Variants in TCF3 observed in about 807,000 individuals in gnomAD.
The protein encoded by TCF3 is transcription factor E2-alpha.
Under a neutral mutation model 72.3 loss-of-function variants are expected in TCF3, and 54 were observed. The ratio of observed to expected loss-of-function variants is 0.75; its 90% confidence interval spans 0.60 to 0.94. The LOEUF (loss-of-function observed/expected upper bound fraction) is 0.94, where lower values mean the gene tolerates loss of function less well. TCF3 is among the 40% of genes least tolerant of loss of function. The probability of loss-of-function intolerance (pLI) is 0.00; values close to 1 mark genes in which losing one functional copy is unlikely to be tolerated. For missense variants in TCF3, 1,078 were observed against 934.4 expected (o/e 1.15, Z -2.00); for synonymous variants, 525 against 412.6 (o/e 1.27, Z -3.30).
chr19:1,619,442 G>A lies in TCF3; in HGVS notation c.1200C>T (p.Ala400=), dbSNP rs1432524947. Reference sequence around the variant, plus strand: ...CGGCGTGGCTGCGGAGCACGTGGATGGCCTCGTCCAGGTGGTCTTCTATCT... The same window carrying A: ...CGGCGTGGCTGCGGAGCACGTGGATAGCCTCGTCCAGGTGGTCTTCTATCT... ...QSKIEDHLDE[A]IHVLRSHAVG... The change falls in exon 15 of 19, where the codon GCC becomes GCT. Residue 400 remains alanine, a synonymous_variant. Transcript: ENST00000262965. The A allele has an allele frequency of 1.3e-6, 2 of 1,589,814 alleles. No homozygotes were observed. Among genetic ancestry groups the A allele is most frequent in the Non-Finnish European group, 8.5e-7 (1 of 1,174,206 alleles).
At chr19:1,625,021 A>T (rs528277264) in intron 7 of TCF3, among the ~76,000 whole-genome samples, 3 of 151,850 alleles carry the variant, frequency 2.0e-5, no homozygotes, top group Admixed American at 1.3e-4. Context: ...AATTTTTAAA[A>T]TTTTTCGCAA....
chr19:1,630,403 C>G (rs1022641463), intron 5 of TCF3, among the ~76,000 whole-genome samples: 1 of 152,190 alleles, frequency 6.6e-6, no homozygotes, highest in Admixed American at 6.5e-5. Context: ...ACTCCAAGTT[C>G]GAGGCCGGGC....
chr19:1,638,832 C>T (rs2145246580), intron 3 of TCF3, among the ~76,000 whole-genome samples: 1 of 152,314 alleles, frequency 6.6e-6, no homozygotes, highest in Middle Eastern at 3.4e-3. Context: ...GAGTTGGGAG[C>T]ACACAGATGG....
chr19:1,613,646 C>T (rs1414565607), intron 18 of TCF3, among the ~76,000 whole-genome samples: 2 of 152,174 alleles, frequency 1.3e-5, no homozygotes, highest in African/African-American at 4.8e-5. Flanking sequence ...ACTCCAAAAA[C>T]CCGGGACTGG....
rs537528466 is a variant in TCF3, at chr19:1,625,569, C to T, written c.499+7G>A. 4.1e-5 allele frequency: 64 copies of T among 1,578,198 alleles called. No homozygotes were observed. Among genetic ancestry groups the T allele is most frequent in the South Asian group, 2.7e-4 (24 of 87,866 alleles). ...AGCCCCCGATGCCCCGGCCAGACCC[C>T]GCTCACCTAGGCTGCCGTCTGCCGC... On this transcript the variant is annotated splice_region_variant and intron_variant, in intron 7 of 18. Coordinates refer to ENST00000262965, the MANE Select transcript of TCF3 (RefSeq NM_003200.5).
intron 7 of TCF3, 106 bp downstream of exon 7, chr19:1,625,470 T>A (rs1599678109): frequency 1.5e-6 from 2 of 1,351,432 alleles, no homozygotes; most frequent in Admixed American, 7.4e-5. Context: ...ACCTGGAAGG[T>A]GCGGGGTCTG....
chr19:1,635,699 C>A (rs2064300941), intron 3 of TCF3, among the ~76,000 whole-genome samples: 1 of 152,146 alleles, frequency 6.6e-6, no homozygotes, highest in Non-Finnish European at 1.5e-5. Context: ...GACCACACTA[C>A]CAACTGCTGG....
In TCF3 at chr19:1,616,771, A is replaced by G. The variant is rs149803007; in HGVS notation, c.1451-950T>C. On this transcript the variant is annotated intron_variant, in intron 16 of 18. Transcript: ENST00000262965. ...TGACAGGGTGAGACCCTGTCTCAAA[A>G]CAAAACAAGTAAAAAAGAAAAAACA... 4.8e-3 allele frequency among the ~76,000 whole-genome samples: 733 copies of G among 152,144 alleles called. 6 individuals are homozygous for G. The highest frequency in any genetic ancestry group is 0.017 in the African/African-American group (688 of 41,418).
chr19:1,649,680 C>T (rs1452788171), intron 2 of TCF3, among the ~76,000 whole-genome samples: 1 of 152,242 alleles, frequency 6.6e-6, no homozygotes, highest in Non-Finnish European at 1.5e-5. Context: ...GCCTCAGCCT[C>T]CCAAAGTGCT....
chr19:1,622,182 C>A lies in TCF3; in HGVS notation c.694G>T (p.Gly232Cys), dbSNP rs778016789. The change falls in exon 10 of 19, where the codon GGC becomes TGC. Residue 232 changes from glycine (G) to cysteine (C), a missense_variant. Transcript: ENST00000262965. ...AGCATGGGCCCGAAGCCCGCCTGGC[C>A]CGGGGGACTCCAGAGCTCGGCTGAG... is the stretch of plus-strand genomic sequence containing the variant. Reference protein sequence around the residue: ...HPSAELWSPPGQAGFGPMLGG... With the variant: ...HPSAELWSPPCQAGFGPMLGG... 3 of 1,567,516 alleles carry A rather than the reference C, an allele frequency of 1.9e-6. No homozygotes were observed. The highest frequency in any genetic ancestry group is 2.3e-5 in the East Asian group (1 of 42,748).
intron 6 of TCF3, among the ~76,000 whole-genome samples, chr19:1,626,563 G>A (rs1422627555): frequency 1.3e-5 from 2 of 152,168 alleles, no homozygotes; most frequent in Non-Finnish European, 1.5e-5. Context: ...CCCGCACCCT[G>A]TGTGGCCACC....
At chr19:1,650,378 C>T (rs1011035870) in intron 1 of TCF3, 91 bp from the exon 2 acceptor site, 39 of 974,486 alleles carry the variant, frequency 4.0e-5, no homozygotes, top group East Asian at 5.3e-5. Context: ...CTAAAAGCCA[C>T]CTAAAAAACC....
chr19:1,621,479 CTGAGTCCCTCTCTGGGCCTGGGTGGG>C lies in TCF3; in HGVS notation c.956-314_956-289del, dbSNP rs1390303295. On this transcript the variant is annotated intron_variant, in intron 11 of 18. Coordinates refer to ENST00000262965, the MANE Select transcript of TCF3 (RefSeq NM_003200.5). Reference sequence around the variant, plus strand: ...TGAGTCCCTCTCTGGGCCTGGGTAACTGAGTCCCTCTCTGGGCCTGGGTGGGTGAGTCCCTCTCTGGGCCTGGGTGG... The same window carrying C: ...TGAGTCCCTCTCTGGGCCTGGGTAACTGAGTCCCTCTCTGGGCCTGGGTGG... Among the ~76,000 whole-genome samples, 320 of 143,766 alleles carry C rather than the reference CTGAGTCCCTCTCTGGGCCTGGGTGGG, an allele frequency of 2.2e-3. 2 individuals are homozygous for C. Among genetic ancestry groups the C allele is most frequent in the African/African-American group, 6.7e-3 (254 of 37,712 alleles). The allele number at this position is 143,766 out of a possible 152,430, so 94.3% of individuals were successfully genotyped here.
rs1555789332 is a variant in TCF3 at position 1,652,444 on chromosome 19, C to T, written c.-184G>A. 7.0e-6 allele frequency: 1 copy of T among 142,766 alleles called. No individual in the cohort carries two copies. Among genetic ancestry groups the T allele is most frequent in the Non-Finnish European group, 1.6e-5 (1 of 64,332 alleles). The allele number at this position is 142,766 out of a possible 1,614,324, so 8.8% of individuals were successfully genotyped here. On this transcript the variant is annotated 5_prime_UTR_variant, in exon 1 of 19. Coordinates refer to ENST00000262965, the MANE Select transcript of TCF3 (RefSeq NM_003200.5). ...GCGGCGGCGCGCGTGGCCCGGGCCC[C>T]TCCCACCCCCGCGTGGCCCGTCCCG...
intron 1 of TCF3, 115 bp from the exon 2 acceptor site, chr19:1,650,402 G>T: frequency 1.3e-6 from 1 of 747,572 alleles, no homozygotes; most frequent in Non-Finnish European, 2.1e-6. Flanking sequence ...AACCGCCCTG[G>T]GGTCTGAGTT....
chr19:1,621,378 C>A (rs2062184911), intron 11 of TCF3, among the ~76,000 whole-genome samples, 187 bp from the exon 12 acceptor site: 1 of 152,244 alleles, frequency 6.6e-6, no homozygotes, highest in African/African-American at 2.4e-5. Context: ...GGGGACAGGC[C>A]ACTGGCAGGG....
Position 1,615,450 on chromosome 19 carries a change from C to T in TCF3, c.1657G>A (p.Ala553Thr), listed in dbSNP as rs1285522493. ...CGCAGCCGCTCCCGGGCGTTATTGG[C>T]CACCCGGCGCTCCTTCTCCCGCTCG... is the stretch of plus-strand genomic sequence containing the variant. ...KAEREKERRV[A>T]NNARERLRVR... Residue 553 changes from alanine to threonine, a missense_variant, in exon 18 of 19, where the codon GCC becomes ACC. Physicochemically the swap from Ala to Thr is moderately conservative, Grantham distance 58. Transcript: ENST00000262965. This position sits in a 1 kb window ranked among gnomAD's most constrained non-coding sequence, Gnocchi z 7.3. 3 of 1,612,982 alleles carry T rather than the reference C, an allele frequency of 1.9e-6. No homozygotes were observed. Among genetic ancestry groups the T allele is most frequent in the South Asian group, 2.2e-5 (2 of 91,084 alleles).
In TCF3 at chr19:1,614,621, G is replaced by A. The variant is rs917398797; in HGVS notation, c.1822+664C>T. Among the ~76,000 whole-genome samples, 5 of 152,170 alleles carry A rather than the reference G, an allele frequency of 3.3e-5. No individual in the cohort carries two copies. Among genetic ancestry groups the A allele is most frequent in the African/African-American group, 1.2e-4 (5 of 41,438 alleles). ...CTCCGGTCCCAGCAACAGTGCTGCA[G>A]GAGAGAAAGGGTTAACGGGGTGCAG... is the stretch of plus-strand genomic sequence containing the variant. On this transcript the variant is annotated intron_variant, in intron 18 of 18. Transcript: ENST00000262965. This position sits in a 1 kb window ranked among gnomAD's most constrained non-coding sequence, Gnocchi z 5.6.
rs1267794618 is a variant in TCF3, at chr19:1,609,575, C to A, written c.*2132G>T. Reference sequence around the variant, plus strand: ...TATGCAGAACGCACAGTTCCAGAGGCTATGGGGCCACTGCCCACCCAGACC... The same window carrying A: ...TATGCAGAACGCACAGTTCCAGAGGATATGGGGCCACTGCCCACCCAGACC... On this transcript the variant is annotated 3_prime_UTR_variant, in exon 19 of 19. Coordinates refer to ENST00000262965, the MANE Select transcript of TCF3 (RefSeq NM_003200.5). 9.1e-6 allele frequency: 2 copies of A among 220,260 alleles called. No homozygotes were observed. Among genetic ancestry groups the A allele is most frequent in the African/African-American group, 4.5e-5 (2 of 44,330 alleles). The allele number at this position is 220,260 out of a possible 1,614,324, so 13.6% of individuals were successfully genotyped here.
Sources: gnomAD v4.1 joint callset for allele counts (sites outside exome capture counted in the v4.1 genomes callset) on GRCh38, gnomAD v4.1.1 for gene constraint, Gnocchi (gnomAD v3.1) non-coding constraint, MANE v1.5 for transcripts, NCBI Gene and HGNC (gene_info 2026-07-23, HGNC 2026-07-21) for gene names.